The following COL18A1 variants were observed in gnomAD, a reference collection of about 807,000 sequenced individuals.
COL18A1 encodes the protein collagen alpha-1(XVIII) chain.
Under a neutral mutation model 168.0 loss-of-function variants are expected in COL18A1, and 133 were observed. The ratio of observed to expected loss-of-function variants is 0.79; its 90% CI spans 0.69 to 0.91. The LOEUF is 0.91. Ranked by LOEUF, COL18A1 falls within the 40% of genes least tolerant of loss-of-function variation. COL18A1 has a pLI of 0.00. For synonymous variants in COL18A1, 949 were observed against 809.0 expected (o/e 1.17, Z -2.94); for missense variants, 2,126 against 1,925.4 (o/e 1.10, Z -1.95).
At chr21:45,478,446 A>C in intron 9 of COL18A1, 93 bp downstream of exon 9, 3 of 1,536,898 alleles carry the variant, frequency 2.0e-6, no homozygotes, top group Non-Finnish European at 2.7e-6. Context: ...TTTAAACGCG[A>C]CCCAGTGAGG....
chr21:45,451,669 G>A (rs1319456609), intron 2 of COL18A1, among the ~76,000 whole-genome samples: 2 of 152,212 alleles, frequency 1.3e-5, no homozygotes, highest in Non-Finnish European at 2.9e-5. Context: ...AGGGGAAGGC[G>A]GTGGGATTTG....
chr21:45,452,689 G>A (rs1312216849), intron 2 of COL18A1, among the ~76,000 whole-genome samples: 1 of 146,580 alleles, frequency 6.8e-6, no homozygotes, highest in Non-Finnish European at 1.5e-5. Flanking sequence ...GTGTGAGCAT[G>A]TATGTGAGTT....
At chr21:45,480,442 G>A (rs117984746) in intron 11 of COL18A1, 25 bp from the exon 12 acceptor site, 10 of 1,613,984 alleles carry the variant, frequency 6.2e-6, no homozygotes, top group South Asian at 5.5e-5. Context: ...TCAGGGCAAC[G>A]TGTCTCTCCG....
chr21:45,465,915 G>A (rs977879501), intron 2 of COL18A1, among the ~76,000 whole-genome samples: 8 of 152,198 alleles, frequency 5.3e-5, no homozygotes, highest in African/African-American at 9.7e-5. Flanking sequence ...GGCCCTCGAG[G>A]ACTGGCCTGT....
chr21:45,434,550 G>C (rs1029127513), intron 2 of COL18A1, among the ~76,000 whole-genome samples: 1 of 152,190 alleles, frequency 6.6e-6, no homozygotes, highest in African/African-American at 2.4e-5. Context: ...GAGCTTCAGA[G>C]GCTTGGCATG....
In COL18A1 at chr21:45,496,488, C is replaced by T. The variant is rs776484286; in HGVS notation, c.2509-12C>T. ...AGGCCATAAGCCTAACAGCTCTCTGCCCTCCCCACAGGGAATGCCCGGCCC... is the reference window on the plus strand; with the variant it reads ...AGGCCATAAGCCTAACAGCTCTCTGTCCTCCCCACAGGGAATGCCCGGCCC... On this transcript the variant is annotated splice_polypyrimidine_tract_variant and intron_variant, in intron 29 of 41. Transcript: ENST00000651438. The T allele has an allele frequency of 4.8e-6, 6 of 1,247,906 alleles. No homozygotes were observed. In the East Asian group the frequency reaches 9.2e-5, roughly 19 times the overall value. 77.3% of individuals were successfully genotyped at this position (1,247,906 alleles called of 1,614,324 possible).
chr21:45,491,208 G>A lies in COL18A1; in HGVS notation c.2068-17G>A, dbSNP rs374924293. On this transcript the variant is annotated splice_polypyrimidine_tract_variant and intron_variant, in intron 21 of 41. Transcript: ENST00000651438. ...GCGGTTGAGATGAAATGCCGGACGC[G>A]TGGCCTCCTCTTCCAGGGAGATCCA... The A allele has an allele frequency of 6.8e-5, 109 of 1,602,560 alleles. No individual in the cohort carries two copies. Among genetic ancestry groups the A allele is most frequent in the African/African-American group, 1.5e-4 (11 of 74,710 alleles).
chr21:45,471,866 A>G lies in COL18A1; in HGVS notation c.652-2029A>G, dbSNP rs1320679605. Among the ~76,000 whole-genome samples the G allele has an allele frequency of 6.6e-6, 1 of 152,152 alleles. No homozygotes were observed. The highest frequency in any genetic ancestry group is 1.5e-5 in the Non-Finnish European group (1 of 68,034). ...TCTGTTTCAGGTGTCTCCGGATTTCATAACTTTCAGTCCGAAGTCCCTTAA... is the reference window on the plus strand; with the variant it reads ...TCTGTTTCAGGTGTCTCCGGATTTCGTAACTTTCAGTCCGAAGTCCCTTAA... On this transcript the variant is annotated intron_variant, in intron 3 of 41. Transcript: ENST00000651438. This position sits in a 1 kb window ranked among gnomAD's most constrained non-coding sequence, Gnocchi z 4.4.
chr21:45,454,164 G>T (rs917736428), intron 2 of COL18A1, among the ~76,000 whole-genome samples: 12 of 152,198 alleles, frequency 7.9e-5, no homozygotes, highest in Non-Finnish European at 1.6e-4. Context: ...GCAGATGTTT[G>T]CTTGTGGAAT....
At position 45,457,850 on chromosome 21, in the gene COL18A1, G is replaced by A. The variant is rs964107259; in HGVS notation, c.107-10392G>A. ...GTTGGTGGGGGTTAGCAGCTGTGCCGGACCTGGAGGTGGGGGTGCCTGCAG... is the reference window on the plus strand; with the variant it reads ...GTTGGTGGGGGTTAGCAGCTGTGCCAGACCTGGAGGTGGGGGTGCCTGCAG... On this transcript the variant is annotated intron_variant, in intron 2 of 41. Coordinates refer to ENST00000651438, the MANE Select transcript of COL18A1 (RefSeq NM_001379500.1). This position sits in a 1 kb window ranked among gnomAD's most constrained non-coding sequence, Gnocchi z 4.6. 6.6e-6 allele frequency among the ~76,000 whole-genome samples: 1 copy of A among 152,128 alleles called. No individual in the cohort carries two copies. The highest frequency in any genetic ancestry group is 1.5e-5 in the Non-Finnish European group (1 of 68,022).
At chr21:45,456,856 C>G (rs2034844837) in intron 2 of COL18A1, 1 of 1,469,924 alleles carries the variant, frequency 6.8e-7, no homozygotes, top group South Asian at 1.4e-5. Context: ...AGGATGGGTA[C>G]TGTGTGCTCA....
chr21:45,501,320 C>G (rs2036810332), intron 32 of COL18A1, among the ~76,000 whole-genome samples: 1 of 152,106 alleles, frequency 6.6e-6, no homozygotes, highest in East Asian at 1.9e-4. Context: ...GACTTTCAGC[C>G]CAGGGAGATC....
rs1257836681 is a variant in COL18A1 at position 45,507,563 on chromosome 21, G to A, written c.3219G>A (p.Leu1073=). ...GTGACCCTGCTGCTTTCTTCCAGCT[G>A]GAGGCCCGGACACCACTCCCACGAG... is the stretch of plus-strand genomic sequence containing the variant. ...RVQNGFRKVQ[L]EARTPLPRGT... is the part of the protein sequence containing the mutation. Residue 1073 remains leucine, a splice_region_variant and synonymous_variant, in exon 38 of 42, where the codon CTG becomes CTA. Transcript: ENST00000651438. 6.2e-7 allele frequency: 1 copy of A among 1,612,204 alleles called. No individual in the cohort carries two copies. Among genetic ancestry groups the A allele is most frequent in the Non-Finnish European group, 8.5e-7 (1 of 1,179,704 alleles).
chr21:45,406,560 C>T (rs781299665), intron 2 of COL18A1, among the ~76,000 whole-genome samples: 2 of 152,140 alleles, frequency 1.3e-5, no homozygotes, highest in African/African-American at 2.4e-5. Flanking sequence ...GAAACACGGG[C>T]GGAGAGCGGC....
At chr21:45,492,393 G>A (rs1471234511) in intron 22 of COL18A1, 142 bp from the exon 23 acceptor site, 1 of 990,950 alleles carries the variant, frequency 1.0e-6, no homozygotes, top group Non-Finnish European at 1.6e-6. Flanking sequence ...CAGGAGGGAT[G>A]CCCCAGGCCC....
chr21:45,504,121 C>G, intron 33 of COL18A1, 67 bp downstream of exon 33: 2 of 1,544,406 alleles, frequency 1.3e-6, no homozygotes, highest in Non-Finnish European at 1.8e-6. Context: ...TGGCTGCTCC[C>G]AATTTCTCGC....
chr21:45,494,530 T>G lies in COL18A1; in HGVS notation c.2353-15T>G, dbSNP rs1475492423. ...AAGCTGCCACCTAACCCTGTCTTCT[T>G]GTTTTTTTGCTCAGGGAGAGCCGGG... is the stretch of plus-strand genomic sequence containing the variant. On this transcript the variant is annotated splice_polypyrimidine_tract_variant and intron_variant, in intron 26 of 41. Transcript: ENST00000651438. 1.2e-6 allele frequency: 2 copies of G among 1,613,296 alleles called. No homozygotes were observed. Among genetic ancestry groups the G allele is most frequent in the Non-Finnish European group, 1.7e-6 (2 of 1,179,968 alleles).
intron 2 of COL18A1, among the ~76,000 whole-genome samples, chr21:45,444,328 C>A (rs1297504537): frequency 7.2e-6 from 1 of 139,366 alleles, no homozygotes; most frequent in African/African-American, 2.8e-5. Context: ...AGGTGGCGTG[C>A]AGGGGTGTAG....
intron 2 of COL18A1, among the ~76,000 whole-genome samples, chr21:45,435,739 T>G (rs1445397486): frequency 6.6e-6 from 1 of 151,998 alleles, no homozygotes; most frequent in Non-Finnish European, 1.5e-5. Flanking sequence ...GGCTGAGGCA[T>G]GTTGGGGCAT....
Sources: gnomAD v4.1 joint callset for allele counts (sites outside exome capture counted in the v4.1 genomes callset) on GRCh38, gnomAD v4.1.1 for gene constraint, Gnocchi (gnomAD v3.1) non-coding constraint, MANE v1.5 for transcripts, NCBI Gene and HGNC (gene_info 2026-07-23, HGNC 2026-07-21) for gene names.